STAT4: variants seen among roughly 807,000 people sequenced by gnomAD.
STAT4 encodes signal transducer and activator of transcription 4.
In STAT4, 42 loss-of-function variants were observed where a neutral mutation model predicts 110.5. The ratio of observed to expected loss-of-function variants is 0.38; its 90% confidence interval spans 0.30 to 0.49. The LOEUF (loss-of-function observed/expected upper bound fraction) is 0.49. STAT4 is among the 20% of genes least tolerant of loss of function. The probability of loss-of-function intolerance (pLI) is 0.95; values close to 1 mark genes in which losing one functional copy is unlikely to be tolerated. For synonymous variants in STAT4, 284 were observed against 302.2 expected (o/e 0.94, Z 0.63); for missense variants, 632 against 887.9 (o/e 0.71, Z 3.66).
rs1337742713 is a variant in STAT4 at position 191,042,503 on chromosome 2, T to C, written c.1252-1355A>G. 6.6e-6 allele frequency among the ~76,000 whole-genome samples: 1 copy of C among 152,032 alleles called. No homozygotes were observed. The highest frequency in any genetic ancestry group is 2.4e-5 in the African/African-American group (1 of 41,396). ...TGTCAAATGGCCTTTTTTGAGACAA[T>C]AGAGGAATTTGAACAAAAAATAGGA... On this transcript the variant is annotated intron_variant, in intron 14 of 23. Coordinates refer to ENST00000392320, the MANE Select transcript of STAT4 (RefSeq NM_003151.4). This position sits in a 1 kb window ranked among gnomAD's most constrained non-coding sequence, Gnocchi z 4.2.
At chr2:191,134,561 C>T (rs1227887491) in intron 3 of STAT4, among the ~76,000 whole-genome samples, 1 of 152,126 alleles carries the variant, frequency 6.6e-6, no homozygotes, top group Admixed American at 6.5e-5. Context: ...CCTAAGCCAT[C>T]AAGGAAATCA....
At chr2:191,044,903 G>T (rs1400062346) in intron 14 of STAT4, among the ~76,000 whole-genome samples, 4 of 152,252 alleles carry the variant, frequency 2.6e-5, no homozygotes, top group African/African-American at 9.6e-5. Context: ...TAAATCCAGA[G>T]AAAACTAAAA....
At position 191,103,031 on chromosome 2, in the gene STAT4, A is replaced by G. The variant is rs144950902; in HGVS notation, c.274-26706T>C. ...TCACCATAGAATCCTTTCCTATCCT[A>G]GTCACAACCTCTCTCTTTTCACATC... is the stretch of plus-strand genomic sequence containing the variant. On this transcript the variant is annotated intron_variant, in intron 3 of 23. Transcript: ENST00000392320. Among the ~76,000 whole-genome samples the G allele has an allele frequency of 3.5e-3, 537 of 152,238 alleles. 1 individual carries two copies. Among genetic ancestry groups the G allele is most frequent in the Middle Eastern group, 0.01 (3 of 294 alleles).
rs1161212664 is a variant in STAT4, at chr2:191,117,520, A to T, written c.273+29093T>A. ...CTATCTAAAGTAATTGCAGCATGTGATTAAGTGTCAGGATGAGTTGTTTGG... is the reference window on the plus strand; with the variant it reads ...CTATCTAAAGTAATTGCAGCATGTGTTTAAGTGTCAGGATGAGTTGTTTGG... On this transcript the variant is annotated intron_variant, in intron 3 of 23. Transcript: ENST00000392320. The surrounding 1 kb of genome is among the most constrained non-coding windows in gnomAD (Gnocchi z 5.2). Among the ~76,000 whole-genome samples the T allele has an allele frequency of 6.6e-6, 1 of 152,206 alleles. No individual in the cohort carries two copies. Among genetic ancestry groups the T allele is most frequent in the Non-Finnish European group, 1.5e-5 (1 of 68,038 alleles).
In STAT4 at chr2:191,146,839, T is replaced by A; in HGVS notation, c.129-82A>T. 1 of 1,322,748 alleles carries A rather than the reference T, an allele frequency of 7.6e-7. No homozygotes were observed. The highest frequency in any genetic ancestry group is 1.9e-5 in the South Asian group (1 of 52,338). 81.9% of individuals were successfully genotyped at this position (1,322,748 alleles called of 1,614,324 possible). A position where few individuals can be genotyped will look rare whatever the true frequency, so the allele number is the denominator to read the frequency against. On this transcript the variant is annotated intron_variant, in intron 2 of 23. Transcript: ENST00000392320. The surrounding 1 kb of genome is among the most constrained non-coding windows in gnomAD (Gnocchi z 4.5). The stretch of plus-strand genomic sequence containing the variant: ...TTTTACCATACTAACTTTAAAACAA[T>A]AAACCTATTACATGGTGATAAGCAT...
chr2:191,032,918 C>T lies in STAT4; in HGVS notation c.2044+40G>A. 5 of 1,563,578 alleles carry T rather than the reference C, an allele frequency of 3.2e-6. No homozygotes were observed. Among genetic ancestry groups the T allele is most frequent in the Non-Finnish European group, 4.3e-6 (5 of 1,158,742 alleles). On this transcript the variant is annotated intron_variant, in intron 21 of 23. Coordinates refer to ENST00000392320, the MANE Select transcript of STAT4 (RefSeq NM_003151.4). The surrounding 1 kb of genome is among the most constrained non-coding windows in gnomAD (Gnocchi z 4.9). ...CCAATATGAGGTTATTTTCCAAAAT[C>T]TTAAGGAAAAAAAAACAAAAACAAA...
In STAT4 at chr2:191,071,948, T is replaced by C. The variant is rs563553626; in HGVS notation, c.465+1150A>G. On this transcript the variant is annotated intron_variant, in intron 5 of 23. Coordinates refer to ENST00000392320, the MANE Select transcript of STAT4 (RefSeq NM_003151.4). ...CAGGAGCATAACATGCACCAAAGGTTAACCCCAACTTGAGGCAAGATGTCG... is the reference window on the plus strand; with the variant it reads ...CAGGAGCATAACATGCACCAAAGGTCAACCCCAACTTGAGGCAAGATGTCG... 1.4e-4 allele frequency among the ~76,000 whole-genome samples: 21 copies of C among 152,258 alleles called. 1 individual carries two copies. The highest frequency in any genetic ancestry group is 1.4e-3 in the Admixed American group (21 of 15,298).
intron 3 of STAT4, among the ~76,000 whole-genome samples, chr2:191,092,412 T>C (rs1390598257): frequency 1.3e-5 from 2 of 151,680 alleles, no homozygotes; most frequent in Non-Finnish European, 2.9e-5. Flanking sequence ...TCAAAAATAA[T>C]GAAATTTCAT....
intron 3 of STAT4, among the ~76,000 whole-genome samples, chr2:191,088,132 T>A (rs555166613): frequency 6.6e-6 from 1 of 152,216 alleles, no homozygotes; most frequent in East Asian, 1.9e-4. Flanking sequence ...TCCACATGTG[T>A]CCATAGACAC....
At position 191,146,759 on chromosome 2, in the gene STAT4, T is replaced by C; in HGVS notation, c.129-2A>G. The C allele has an allele frequency of 8.3e-7, 1 of 1,203,206 alleles. No homozygotes were observed. Among genetic ancestry groups the C allele is most frequent in the Non-Finnish European group, 1.1e-6 (1 of 889,984 alleles). 74.5% of individuals were successfully genotyped at this position (1,203,206 alleles called of 1,614,324 possible). On this transcript the variant is annotated splice_acceptor_variant, in intron 2 of 23. Coordinates refer to ENST00000392320, the MANE Select transcript of STAT4 (RefSeq NM_003151.4). LOFTEE classifies it high-confidence loss of function. This position sits in a 1 kb window ranked among gnomAD's most constrained non-coding sequence, Gnocchi z 4.5. ...GTTTCATTGTTAGAAGCTGCCTCCC[T>C]AAAAAAAAAAAGGATTATTACACAA...
chr2:191,036,095 C>T (rs1696036073), intron 17 of STAT4, 69 bp downstream of exon 17: 5 of 1,547,240 alleles, frequency 3.2e-6, no homozygotes, highest in Admixed American at 1.9e-5. Flanking sequence ...GTAGTAATAG[C>T]GTCCTGGTTA....
chr2:191,145,735 T>C (rs1454383209), intron 3 of STAT4, among the ~76,000 whole-genome samples: 1 of 152,222 alleles, frequency 6.6e-6, no homozygotes, highest in African/African-American at 2.4e-5. Flanking sequence ...GTGTTAATTG[T>C]AGGTTTTGGA....
At chr2:191,120,486 C>T (rs967227110) in intron 3 of STAT4, among the ~76,000 whole-genome samples, 2 of 152,174 alleles carry the variant, frequency 1.3e-5, no homozygotes, top group African/African-American at 2.4e-5. Flanking sequence ...CCACTGCACT[C>T]TAGCATGGGT....
At chr2:191,078,297 C>A (rs1355870087) in intron 3 of STAT4, among the ~76,000 whole-genome samples, 1 of 152,108 alleles carries the variant, frequency 6.6e-6, no homozygotes, top group African/African-American at 2.4e-5. Flanking sequence ...TACCTTTCAA[C>A]ATTTCTCAGT....
chr2:191,041,983 A>G (rs926492802), intron 14 of STAT4, among the ~76,000 whole-genome samples: 1 of 152,156 alleles, frequency 6.6e-6, no homozygotes, highest in African/African-American at 2.4e-5. Flanking sequence ...GTCCTGTTAA[A>G]GTTTACGGTT....
chr2:191,116,603 A>T lies in STAT4; in HGVS notation c.273+30010T>A, dbSNP rs1257899624. On this transcript the variant is annotated intron_variant, in intron 3 of 23. Coordinates refer to ENST00000392320, the MANE Select transcript of STAT4 (RefSeq NM_003151.4). The surrounding 1 kb of genome is among the most constrained non-coding windows in gnomAD (Gnocchi z 4.1). ...GCATGCTTTGGGAACAGTCCATCCC[A>T]CTTAACTTTCTCGGTTAAAGCAGGA... 1.3e-5 allele frequency among the ~76,000 whole-genome samples: 2 copies of T among 152,126 alleles called. No homozygotes were observed. The highest frequency in any genetic ancestry group is 2.9e-5 in the Non-Finnish European group (2 of 68,004).
rs1403827977 is a variant in STAT4 at position 191,069,785 on chromosome 2, A to G, written c.466-14T>C. 6.3e-7 allele frequency: 1 copy of G among 1,590,010 alleles called. No homozygotes were observed. The highest frequency in any genetic ancestry group is 2.2e-5 in the East Asian group (1 of 44,580). On this transcript the variant is annotated splice_polypyrimidine_tract_variant and intron_variant, in intron 5 of 23. Coordinates refer to ENST00000392320, the MANE Select transcript of STAT4 (RefSeq NM_003151.4). ...TTGTTCTGTCATCTTTTCACAAAAG[A>G]AAACATACTCACTCTGCTGTCACAA...
intron 4 of STAT4, among the ~76,000 whole-genome samples, chr2:191,074,849 T>A (rs1559055229): frequency 6.6e-6 from 1 of 152,148 alleles, no homozygotes; most frequent in Non-Finnish European, 1.5e-5. Context: ...AACATGAGAA[T>A]TTTTTAAGAG....
chr2:191,098,266 T>C (rs1428740973), intron 3 of STAT4, among the ~76,000 whole-genome samples: 3 of 152,232 alleles, frequency 2.0e-5, no homozygotes, highest in African/African-American at 7.2e-5. Context: ...TTACTGGGTA[T>C]ACATCCAAAG....
Sources: allele counts gnomAD v4.1 joint callset (sites outside exome capture counted in the v4.1 genomes callset), GRCh38; gene constraint gnomAD v4.1.1; non-coding constraint Gnocchi (gnomAD v3.1); transcripts MANE v1.5; gene names NCBI Gene and HGNC (gene_info 2026-07-23, HGNC 2026-07-21).